The following FKBP3 variants were observed in gnomAD, a reference collection of about 807,000 sequenced individuals.
FKBP3 encodes the protein peptidyl-prolyl cis-trans isomerase FKBP3.
A neutral mutation model predicts 30.6 loss-of-function variants in FKBP3; 21 were observed. The observed-to-expected ratio is 0.69, with a 90% CI of 0.49 to 0.99. The LOEUF (loss-of-function observed/expected upper bound fraction) is 0.99, where lower values mean the gene tolerates loss of function less well. Among genes scored for constraint, FKBP3 ranks in the 50% least tolerant of loss-of-function variants. The pLI is 0.00. For missense variants in FKBP3, 283 were observed against 261.6 expected (o/e 1.08, Z -0.56); for synonymous variants, 82 against 91.3 (o/e 0.90, Z 0.58).
At position 45,115,938 on chromosome 14, in the gene FKBP3, G is replaced by T. The variant is rs1357088661; in HGVS notation, c.*260C>A. 1.0e-5 allele frequency: 4 copies of T among 399,804 alleles called. No individual in the cohort carries two copies. The highest frequency in any genetic ancestry group is 1.9e-5 in the Non-Finnish European group (4 of 215,270). 24.8% of individuals were successfully genotyped at this position (399,804 alleles called of 1,614,324 possible). A position where few individuals can be genotyped will look rare whatever the true frequency, so the allele number is the denominator to read the frequency against. ...GATCAATTTTTATTGAGCCACTTAAGTTTACAACATGAGGTAAAAGGAAAA... is the reference window on the plus strand; with the variant it reads ...GATCAATTTTTATTGAGCCACTTAATTTTACAACATGAGGTAAAAGGAAAA... On this transcript the variant is annotated 3_prime_UTR_variant, in exon 7 of 7. Coordinates refer to ENST00000396062, the MANE Select transcript of FKBP3 (RefSeq NM_002013.4).
intron 6 of FKBP3, 108 bp from the exon 7 acceptor site, chr14:45,116,360 G>A (rs889479004): frequency 6.8e-6 from 5 of 738,726 alleles, no homozygotes; most frequent in Non-Finnish European, 1.2e-5. Context: ...AATTGAGCTT[G>A]GACTAGGATC....
intron 3 of FKBP3, among the ~76,000 whole-genome samples, chr14:45,125,767 G>A (rs1302589665): frequency 6.6e-6 from 1 of 152,130 alleles, no homozygotes; most frequent in Non-Finnish European, 1.5e-5. Flanking sequence ...GAGCCCAGGA[G>A]CTGGGTCTTA....
chr14:45,123,141 C>A (rs1325568554), intron 3 of FKBP3, among the ~76,000 whole-genome samples: 1 of 148,816 alleles, frequency 6.7e-6, no homozygotes, highest in African/African-American at 2.5e-5. Flanking sequence ...TGCAGTGAGC[C>A]AAGATGGCAC....
intron 5 of FKBP3, among the ~76,000 whole-genome samples, chr14:45,120,639 T>G (rs1191195761): frequency 6.6e-6 from 1 of 152,216 alleles, no homozygotes; most frequent in Non-Finnish European, 1.5e-5. Flanking sequence ...CTGTATTAGG[T>G]ACTTCAAGTT....
At position 45,116,232 on chromosome 14, in the gene FKBP3, A is replaced by G; in HGVS notation, c.641T>C (p.Leu214Pro). The change falls in exon 7 of 7, where the codon CTC becomes CCC. Residue 214 changes from leucine (L) to proline (P), a missense_variant. Leu to Pro is a moderately conservative substitution (Grantham distance 98). Transcript: ENST00000396062. ...ATCCACTAATTCCACTTCAAAAGTG[A>G]GTTTTGCATTTGGTGGAATTCTGTT... ...PDAKIPPNAK[L>P]TFEVELVDID 6.2e-7 allele frequency: 1 copy of G among 1,613,178 alleles called. No individual in the cohort carries two copies. The highest frequency in any genetic ancestry group is 8.5e-7 in the Non-Finnish European group (1 of 1,179,286).
At chr14:45,133,781 T>C (rs1351983048) in intron 1 of FKBP3, among the ~76,000 whole-genome samples, 1 of 152,230 alleles carries the variant, frequency 6.6e-6, no homozygotes, top group Non-Finnish European at 1.5e-5. Context: ...AAGAGAAATG[T>C]GCATGTAGCT....
rs546151774 is a variant in FKBP3, at chr14:45,132,818, T to C, written c.108+1531A>G. Reference sequence around the variant, plus strand: ...GAAATTCTTCCACGTGGCCCAGTTTTACATACGATTCCACATGGCATGATT... The same window carrying C: ...GAAATTCTTCCACGTGGCCCAGTTTCACATACGATTCCACATGGCATGATT... On this transcript the variant is annotated intron_variant, in intron 1 of 6. Transcript: ENST00000396062. Among the ~76,000 whole-genome samples the C allele has an allele frequency of 2.0e-5, 3 of 152,336 alleles. No homozygotes were observed. In the South Asian group the frequency reaches 6.2e-4, roughly 32 times the overall value.
chr14:45,126,436 C>T (rs1375507574), intron 3 of FKBP3, among the ~76,000 whole-genome samples: 1 of 151,480 alleles, frequency 6.6e-6, no homozygotes, highest in African/African-American at 2.4e-5. Flanking sequence ...TGCAGTGAGC[C>T]GAGATCACAC....
In FKBP3 at chr14:45,115,828, G is replaced by A. The variant is rs1209937579; in HGVS notation, c.*370C>T. On this transcript the variant is annotated 3_prime_UTR_variant, in exon 7 of 7. Coordinates refer to ENST00000396062, the MANE Select transcript of FKBP3 (RefSeq NM_002013.4). ...TAATTTTACTGGGAGTTACTCCCTG[G>A]TTTGATGAGGTCCTTAGTTCCAATT... 1.2e-5 allele frequency: 2 copies of A among 163,690 alleles called. No homozygotes were observed. The highest frequency in any genetic ancestry group is 2.7e-5 in the Non-Finnish European group (2 of 75,214). 10.1% of individuals were successfully genotyped at this position (163,690 alleles called of 1,614,324 possible). A position where few individuals can be genotyped will look rare whatever the true frequency, so the allele number is the denominator to read the frequency against.
chr14:45,120,785 T>C, intron 5 of FKBP3, 102 bp downstream of exon 5: 1 of 916,958 alleles, frequency 1.1e-6, no homozygotes, highest in Non-Finnish European at 1.7e-6. Flanking sequence ...CTCCAAAGTC[T>C]GTTTCCTTTG....
At chr14:45,120,979 T>C in intron 4 of FKBP3, 25 bp from the exon 5 acceptor site, 2 of 1,544,602 alleles carry the variant, frequency 1.3e-6, no homozygotes, top group Non-Finnish European at 1.8e-6. Context: ...TTCCTTATCA[T>C]TAATGATATA....
intron 5 of FKBP3, among the ~76,000 whole-genome samples, chr14:45,119,871 T>C (rs1884944366): frequency 1.3e-5 from 2 of 151,896 alleles, no homozygotes; most frequent in Non-Finnish European, 2.9e-5. Context: ...GTATTTTTAG[T>C]AGAGACGGGT....
intron 4 of FKBP3, 148 bp from the exon 5 acceptor site, chr14:45,121,102 T>G (rs1884975374): frequency 5.8e-6 from 4 of 686,052 alleles, no homozygotes; most frequent in African/African-American, 1.8e-5. Context: ...AGGAAAAAAT[T>G]TACAAAGATC....
At position 45,121,562 on chromosome 14, in the gene FKBP3, T is replaced by G; in HGVS notation, c.377A>C (p.Lys126Thr). 1.2e-6 allele frequency: 2 copies of G among 1,613,842 alleles called. No homozygotes were observed. Among genetic ancestry groups the G allele is most frequent in the African/African-American group, 2.7e-5 (2 of 75,054 alleles). The change falls in exon 4 of 7, where the codon AAA becomes ACA. Residue 126 changes from lysine to threonine, a missense_variant. Transcript: ENST00000396062. ...CCAGCAGTGAACAACATCTCCCTTT[T>G]TGGGAAAGTTGGTTTTATCTCCCTT... Reference protein sequence around the residue: ...LKKGDKTNFPKKGDVVHCWYT... With the variant: ...LKKGDKTNFPTKGDVVHCWYT...
intron 3 of FKBP3, among the ~76,000 whole-genome samples, chr14:45,124,212 G>A (rs1594743116): frequency 6.6e-6 from 1 of 152,090 alleles, no homozygotes; most frequent in African/African-American, 2.4e-5. Context: ...GACCTTCTCA[G>A]TAGAGCAGGT....
chr14:45,116,120 CTAACTA>C lies in FKBP3; in HGVS notation c.*72_*77del. 1 of 1,002,306 alleles carries C rather than the reference CTAACTA, an allele frequency of 1.0e-6. No individual in the cohort carries two copies. The highest frequency in any genetic ancestry group is 1.6e-6 in the Non-Finnish European group (1 of 635,558). The allele number at this position is 1,002,306 out of a possible 1,614,324, so 62.1% of individuals were successfully genotyped here. On this transcript the variant is annotated 3_prime_UTR_variant, in exon 7 of 7. Coordinates refer to ENST00000396062, the MANE Select transcript of FKBP3 (RefSeq NM_002013.4). ...TCTTCCTTTACAATAGTAACAAGTT[CTAACTA>C]GTTGTGTAAATTTCTTCAAGGCCAA...
At chr14:45,126,839 T>C (rs371961079) in intron 3 of FKBP3, among the ~76,000 whole-genome samples, 2 of 151,930 alleles carry the variant, frequency 1.3e-5, no homozygotes, top group Admixed American at 1.3e-4. Context: ...TTTTTGAGAC[T>C]GAGTCTCCTT....
Position 45,129,492 on chromosome 14 carries a change from T to C in FKBP3, c.318+302A>G, listed in dbSNP as rs578255788. Among the ~76,000 whole-genome samples, 3 of 152,322 alleles carry C rather than the reference T, an allele frequency of 2.0e-5. No homozygotes were observed. The South Asian group carries it at 6.2e-4, about 32-fold the overall frequency. ...TATTTCACTTAGTCCAACTTGGCTATAGAATCAAGGCCTTAAAATAGCTTT... is the reference window on the plus strand; with the variant it reads ...TATTTCACTTAGTCCAACTTGGCTACAGAATCAAGGCCTTAAAATAGCTTT... On this transcript the variant is annotated intron_variant, in intron 3 of 6. Transcript: ENST00000396062.
intron 4 of FKBP3, 78 bp downstream of exon 4, chr14:45,121,407 G>T: frequency 8.1e-7 from 1 of 1,228,564 alleles, no homozygotes; most frequent in Non-Finnish European, 1.2e-6. Flanking sequence ...AAAAGGTACT[G>T]CTAACTACTC....
Sources: gnomAD v4.1 joint callset for allele counts (sites outside exome capture counted in the v4.1 genomes callset) on GRCh38, gnomAD v4.1.1 for gene constraint, MANE v1.5 for transcripts, NCBI Gene and HGNC (gene_info 2026-07-23, HGNC 2026-07-21) for gene names.